The following USH2A variants were observed in gnomAD, a reference collection of about 807,000 sequenced individuals.
USH2A encodes usherin, also known as Usher syndrome 2A (autosomal recessive, mild).
A neutral mutation model predicts 538.9 loss-of-function variants in USH2A; 443 were observed. The observed-to-expected ratio is 0.82, with a 90% CI of 0.76 to 0.89. USH2A has a LOEUF of 0.89. USH2A is among the 40% of genes least tolerant of loss of function. The probability of loss-of-function intolerance (pLI) is 0.00; values close to 1 mark genes in which losing one functional copy is unlikely to be tolerated. For missense variants in USH2A, 6,633 were observed against 6,324.8 expected (o/e 1.05, Z -1.65); for synonymous variants, 2,413 against 2,273.5 (o/e 1.06, Z -1.75).
intron 3 of USH2A, among the ~76,000 whole-genome samples, chr1:216,394,538 T>A (rs2102750974): frequency 6.6e-6 from 1 of 152,250 alleles, no homozygotes; most frequent in African/African-American, 2.4e-5. Flanking sequence ...ATTTTTAATG[T>A]ATATGTATTT....
chr1:216,227,635 C>T (rs962248983), intron 14 of USH2A, among the ~76,000 whole-genome samples: 4 of 151,922 alleles, frequency 2.6e-5, no homozygotes, highest in Admixed American at 1.3e-4. Context: ...TCTTCTAAGA[C>T]TAGATAAAAA....
intron 58 of USH2A, among the ~76,000 whole-genome samples, chr1:215,754,228 A>C (rs1660716757): frequency 6.6e-6 from 1 of 152,198 alleles, no homozygotes; most frequent in Admixed American, 6.5e-5. Flanking sequence ...AACAAATGGC[A>C]AATACACCAA....
chr1:215,881,704 A>G (rs1664913550), intron 41 of USH2A, among the ~76,000 whole-genome samples: 1 of 152,230 alleles, frequency 6.6e-6, no homozygotes, highest in Non-Finnish European at 1.5e-5. Context: ...ATAATATTAC[A>G]TTAAAACTTT....
At chr1:215,977,670 G>A (rs996490651) in intron 35 of USH2A, among the ~76,000 whole-genome samples, 5 of 151,848 alleles carry the variant, frequency 3.3e-5, no homozygotes, top group Non-Finnish European at 5.9e-5. Context: ...CCGCCATCAC[G>A]CCCAACTAAT....
In USH2A at chr1:215,624,797, G is replaced by A. The variant is rs1194327294; in HGVS notation, c.*984C>T. ...CATGATATACATATATATACACATAGGTATAGTCTTGTCTCTACATGTATA... is the reference window on the plus strand; with the variant it reads ...CATGATATACATATATATACACATAAGTATAGTCTTGTCTCTACATGTATA... On this transcript the variant is annotated 3_prime_UTR_variant, in exon 72 of 72. Coordinates refer to ENST00000307340, the MANE Select transcript of USH2A (RefSeq NM_206933.4). The A allele has an allele frequency of 1.3e-5, 2 of 152,014 alleles. No individual in the cohort carries two copies. Among genetic ancestry groups the A allele is most frequent in the Non-Finnish European group, 1.5e-5 (1 of 67,974 alleles). The allele number at this position is 152,014 out of a possible 1,614,324, so 9.4% of individuals were successfully genotyped here.
intron 61 of USH2A, among the ~76,000 whole-genome samples, chr1:215,699,731 G>A (rs1361419691): frequency 6.6e-6 from 1 of 152,148 alleles, no homozygotes; most frequent in Non-Finnish European, 1.5e-5. Flanking sequence ...TTTTCTAAAT[G>A]TACAATCATG....
rs1042262042 is a variant in USH2A, at chr1:216,083,642, T to C, written c.5168-56A>G. The C allele has an allele frequency of 2.5e-6, 4 of 1,579,200 alleles. No individual in the cohort carries two copies. The African/African-American group carries it at 5.4e-5, about 21-fold the overall frequency. ...ATGTGTAACACAATATTGCCAGCATTGTAAGGGTGCTAAGAAACTCTAGGA... is the reference window on the plus strand; with the variant it reads ...ATGTGTAACACAATATTGCCAGCATCGTAAGGGTGCTAAGAAACTCTAGGA... On this transcript the variant is annotated intron_variant, in intron 25 of 71. Transcript: ENST00000307340.
intron 11 of USH2A, among the ~76,000 whole-genome samples, chr1:216,264,807 G>A (rs2036441072): frequency 6.6e-6 from 1 of 151,958 alleles, no homozygotes. Flanking sequence ...CAAAAACAAA[G>A]AGTGGGAAAA....
chr1:215,960,816 A>G (rs1370699688), intron 37 of USH2A, among the ~76,000 whole-genome samples: 1 of 152,110 alleles, frequency 6.6e-6, no homozygotes, highest in Non-Finnish European at 1.5e-5. Context: ...ATTCTCATCC[A>G]TAATTAAAGA....
At chr1:215,667,629 C>T (rs900442273) in intron 64 of USH2A, among the ~76,000 whole-genome samples, 91 of 150,912 alleles carry the variant, frequency 6.0e-4, no homozygotes, top group African/African-American at 2.2e-3. Flanking sequence ...ACCCGGGAGG[C>T]GGAGGTTACA....
chr1:215,911,487 T>G (rs2102479461), intron 38 of USH2A, among the ~76,000 whole-genome samples: 1 of 152,158 alleles, frequency 6.6e-6, no homozygotes, highest in African/African-American at 2.4e-5. Context: ...TTATTTCATC[T>G]AATGTAATAA....
chr1:215,739,712 C>A (rs951889574), intron 60 of USH2A, among the ~76,000 whole-genome samples: 3 of 152,188 alleles, frequency 2.0e-5, no homozygotes, highest in African/African-American at 7.2e-5. Flanking sequence ...TTGGCTTGTT[C>A]ATTTTTGGTA....
At chr1:216,401,634 G>GA (rs2039306892) in intron 3 of USH2A, among the ~76,000 whole-genome samples, 1 of 151,892 alleles carries the variant, frequency 6.6e-6, no homozygotes, top group East Asian at 1.9e-4. Context: ...TTAATCAAAA[G>GA]AAAAAAGGAA....
intron 64 of USH2A, among the ~76,000 whole-genome samples, chr1:215,668,380 G>A (rs755674498): frequency 6.6e-6 from 1 of 152,136 alleles, no homozygotes; most frequent in Non-Finnish European, 1.5e-5. Flanking sequence ...ATTTATTTCA[G>A]CATTTAATCT....
intron 14 of USH2A, among the ~76,000 whole-genome samples, chr1:216,230,521 T>C (rs1390648028): frequency 6.6e-6 from 1 of 152,160 alleles, no homozygotes; most frequent in Non-Finnish European, 1.5e-5. Flanking sequence ...TTTTAAATGA[T>C]TTTTGTAGTT....
rs537740694 is a variant in USH2A, at chr1:216,185,299, T to C, written c.4396+4924A>G. Among the ~76,000 whole-genome samples the C allele has an allele frequency of 2.6e-5, 4 of 152,032 alleles. No homozygotes were observed. In the South Asian group the frequency reaches 8.3e-4, roughly 32 times the overall value. On this transcript the variant is annotated intron_variant, in intron 20 of 71. Coordinates refer to ENST00000307340, the MANE Select transcript of USH2A (RefSeq NM_206933.4). ...CAGCAGTGCAATACTCTGGATGAAA[T>C]GTACCCATTCTAATCATATATTTAA...
At chr1:216,004,558 A>C (rs552332345) in intron 32 of USH2A, among the ~76,000 whole-genome samples, 13 of 152,344 alleles carry the variant, frequency 8.5e-5, no homozygotes, top group African/African-American at 3.1e-4. Flanking sequence ...AGCCTGACTT[A>C]AGTGGGCTTA....
chr1:216,352,309 G>A (rs2038302459), intron 4 of USH2A, among the ~76,000 whole-genome samples: 2 of 152,118 alleles, frequency 1.3e-5, no homozygotes, highest in South Asian at 4.1e-4. Flanking sequence ...GCAGCAACTA[G>A]AAACTCAGAG....
chr1:216,160,138 T>G (rs963396412), intron 21 of USH2A, among the ~76,000 whole-genome samples: 2 of 152,014 alleles, frequency 1.3e-5, no homozygotes, highest in Admixed American at 1.3e-4. Context: ...GTTTGCTATA[T>G]CATTGATTTC....
Sources: allele counts gnomAD v4.1 joint callset (sites outside exome capture counted in the v4.1 genomes callset), GRCh38; gene constraint gnomAD v4.1.1; transcripts MANE v1.5; gene names NCBI Gene and HGNC (gene_info 2026-07-23, HGNC 2026-07-21).